Variants in SLC35F3 observed in about 807,000 individuals in gnomAD.
SLC35F3 encodes the protein solute carrier family 35 member F3.
SLC35F3 carries 25 observed loss-of-function variants against 49.9 expected under a neutral mutation model. That is an observed-to-expected ratio of 0.50 (90% CI 0.37 to 0.70). SLC35F3 has a LOEUF of 0.70. Ranked by LOEUF, SLC35F3 falls within the 30% of genes least tolerant of loss-of-function variation. The pLI is 0.00. For missense variants in SLC35F3, 525 were observed against 639.8 expected, an observed-to-expected ratio of 0.82 and a Z score of 1.94; for synonymous variants, 275 against 265.4, an observed-to-expected ratio of 1.04 and a Z score of -0.35.
chr1:233,989,491 T>C (rs1453820947), intron 2 of SLC35F3, among the ~76,000 whole-genome samples: 1 of 152,154 alleles, frequency 6.6e-6, no homozygotes, highest in Non-Finnish European at 1.5e-5. Context: ...AAGCAAATAT[T>C]ACACACAAAG....
intron 2 of SLC35F3, among the ~76,000 whole-genome samples, chr1:234,163,411 G>A (rs1355480773): frequency 6.6e-6 from 1 of 152,188 alleles, no homozygotes; most frequent in African/African-American, 2.4e-5. Flanking sequence ...GAGGAAGGCG[G>A]AGACAAAGAC....
intron 4 of SLC35F3, among the ~76,000 whole-genome samples, 168 bp from the exon 5 acceptor site, chr1:234,316,434 A>G (rs1157941003): frequency 6.6e-6 from 1 of 152,188 alleles, no homozygotes; most frequent in Non-Finnish European, 1.5e-5. Flanking sequence ...AAAAATTTAG[A>G]CAGGAGTCAG....
chr1:234,012,398 T>C (rs1291983630), intron 2 of SLC35F3, among the ~76,000 whole-genome samples: 1 of 152,216 alleles, frequency 6.6e-6, no homozygotes, highest in East Asian at 1.9e-4. Context: ...GTATGGGTGT[T>C]GGGCTGGGGG....
chr1:234,045,437 C>T (rs1558213724), intron 2 of SLC35F3, among the ~76,000 whole-genome samples: 1 of 152,072 alleles, frequency 6.6e-6, no homozygotes, highest in Non-Finnish European at 1.5e-5. Flanking sequence ...CAGTGGTGCT[C>T]TGAAGTAGGT....
intron 2 of SLC35F3, among the ~76,000 whole-genome samples, chr1:234,134,140 T>C (rs1361623381): frequency 2.0e-5 from 3 of 152,146 alleles, no homozygotes; most frequent in Non-Finnish European, 2.9e-5. Flanking sequence ...TTAACAAATA[T>C]TTATTTTAAC....
At chr1:234,109,774 T>C (rs770820280) in intron 2 of SLC35F3, among the ~76,000 whole-genome samples, 8 of 152,152 alleles carry the variant, frequency 5.3e-5, no homozygotes, top group Non-Finnish European at 7.4e-5. Context: ...GACCATGCTC[T>C]GGGTGTTCCA....
rs190014966 is a variant in SLC35F3 at position 234,009,370 on chromosome 1, A to T, written c.283+103612A>T. On this transcript the variant is annotated intron_variant, in intron 2 of 7. Coordinates refer to ENST00000366618, the MANE Select transcript of SLC35F3 (RefSeq NM_173508.4). ...TTCACACTCAAGTTGATTCAAGTGC[A>T]GTCCTCATAATTCCATTAACTTTGC... Among the ~76,000 whole-genome samples the T allele has an allele frequency of 1.9e-3, 283 of 152,354 alleles. 1 individual carries two copies. Among genetic ancestry groups the T allele is most frequent in the African/African-American group, 6.6e-3 (273 of 41,584 alleles).
chr1:233,921,917 T>G (rs986671800), intron 2 of SLC35F3, among the ~76,000 whole-genome samples: 19 of 151,952 alleles, frequency 1.3e-4, no homozygotes, highest in Non-Finnish European at 2.2e-4. Context: ...CTTGCGATAG[T>G]TTGCTCAGAA....
intron 3 of SLC35F3, among the ~76,000 whole-genome samples, chr1:234,270,279 CAG>C (rs1668077575): frequency 6.6e-6 from 1 of 152,186 alleles, no homozygotes; most frequent in Admixed American, 6.5e-5. Context: ...GAAACCATCT[CAG>C]AGTCATTTTG....
At chr1:234,312,627 G>T (rs1657384369) in intron 4 of SLC35F3, among the ~76,000 whole-genome samples, 1 of 152,276 alleles carries the variant, frequency 6.6e-6, no homozygotes, top group South Asian at 2.1e-4. Flanking sequence ...AGAAGGTGTG[G>T]ACTAGAGGAT....
intron 2 of SLC35F3, among the ~76,000 whole-genome samples, chr1:233,946,900 A>G (rs1323984434): frequency 6.6e-6 from 1 of 152,216 alleles, no homozygotes; most frequent in Non-Finnish European, 1.5e-5. Context: ...GTGACCCAGG[A>G]ATGTCACTCA....
At chr1:234,259,703 A>C (rs990764369) in intron 3 of SLC35F3, among the ~76,000 whole-genome samples, 1 of 151,648 alleles carries the variant, frequency 6.6e-6, no homozygotes, top group African/African-American at 2.4e-5. Flanking sequence ...AATAATAATA[A>C]TAATTTATCT....
At position 234,316,745 on chromosome 1, in the gene SLC35F3, A is replaced by C. The variant is rs1657499718; in HGVS notation, c.954+18A>C. 6.3e-7 allele frequency: 1 copy of C among 1,587,484 alleles called. No individual in the cohort carries two copies. Among genetic ancestry groups the C allele is most frequent in the African/African-American group, 1.3e-5 (1 of 74,528 alleles). Reference sequence around the variant, plus strand: ...TCTACAAGGTACGCCCGGGGAGTGAACTTTCTCAGCTGGCTGGGCTCTCCT... The same window carrying C: ...TCTACAAGGTACGCCCGGGGAGTGACCTTTCTCAGCTGGCTGGGCTCTCCT... On this transcript the variant is annotated intron_variant, in intron 5 of 7. Transcript: ENST00000366618.
chr1:234,128,878 G>T (rs1558237037), intron 2 of SLC35F3, among the ~76,000 whole-genome samples: 1 of 152,154 alleles, frequency 6.6e-6, no homozygotes. Flanking sequence ...TAACTTGGGG[G>T]CCAGGTTCTA....
At chr1:234,290,413 T>A (rs1668487701) in intron 3 of SLC35F3, among the ~76,000 whole-genome samples, 1 of 152,232 alleles carries the variant, frequency 6.6e-6, no homozygotes, top group Admixed American at 6.5e-5. Flanking sequence ...AGACATATTG[T>A]AAGTCTCATA....
chr1:234,251,481 AC>A (rs377721657), intron 3 of SLC35F3, among the ~76,000 whole-genome samples: 11,272 of 135,810 alleles, frequency 0.083, 791 homozygotes, highest in East Asian at 0.44. Flanking sequence ...AAAAAAAAAA[AC>A]ACACACACAC....
At chr1:234,151,282 C>G (rs1226719200) in intron 2 of SLC35F3, among the ~76,000 whole-genome samples, 1 of 150,982 alleles carries the variant, frequency 6.6e-6, no homozygotes, top group African/African-American at 2.4e-5. Flanking sequence ...GAAGAGGAAG[C>G]TCAGTGGAGC....
At chr1:234,120,153 T>G (rs958128264) in intron 2 of SLC35F3, among the ~76,000 whole-genome samples, 2 of 152,234 alleles carry the variant, frequency 1.3e-5, no homozygotes, top group African/African-American at 4.8e-5. Context: ...TTAGGTGACC[T>G]CTCTGTGTTT....
At chr1:234,103,019 T>G (rs965459788) in intron 2 of SLC35F3, among the ~76,000 whole-genome samples, 1 of 152,220 alleles carries the variant, frequency 6.6e-6, no homozygotes, top group Non-Finnish European at 1.5e-5. Context: ...ACACAGACGT[T>G]CAAGTGCTTT....
Sources: allele counts gnomAD v4.1 joint callset (sites outside exome capture counted in the v4.1 genomes callset), GRCh38; gene constraint gnomAD v4.1.1; transcripts MANE v1.5; gene names NCBI Gene and HGNC (gene_info 2026-07-23, HGNC 2026-07-21).